Variants in MACROD2 observed in about 807,000 individuals in gnomAD.
The protein encoded by MACROD2 is mono-ADP ribosylhydrolase 2.
A neutral mutation model predicts 70.4 loss-of-function variants in MACROD2; 36 were observed. The ratio of observed to expected loss-of-function variants is 0.51; its 90% CI spans 0.39 to 0.68. MACROD2 has a LOEUF of 0.68. Among genes scored for constraint, MACROD2 ranks in the 30% least tolerant of loss-of-function variants. The pLI is 0.00. For missense variants in MACROD2, 496 were observed against 538.4 expected (o/e 0.92, Z 0.78); for synonymous variants, 172 against 178.8 (o/e 0.96, Z 0.30).
intron 5 of MACROD2, among the ~76,000 whole-genome samples, chr20:14,830,929 A>C (rs2072957846): frequency 6.6e-6 from 1 of 152,186 alleles, no homozygotes; most frequent in Non-Finnish European, 1.5e-5. Context: ...TATATTTAAA[A>C]AAATAATCTT....
intron 6 of MACROD2, among the ~76,000 whole-genome samples, chr20:15,355,372 A>C (rs2078275156): frequency 6.6e-6 from 1 of 152,302 alleles, no homozygotes; most frequent in Admixed American, 6.5e-5. Context: ...AATACAGATG[A>C]GAAACAGCCA....
At chr20:15,526,745 T>C (rs1386890043) in intron 8 of MACROD2, among the ~76,000 whole-genome samples, 3 of 152,202 alleles carry the variant, frequency 2.0e-5, no homozygotes, top group African/African-American at 4.8e-5. Flanking sequence ...CTGCCTGTGG[T>C]AGTTGACACT....
At chr20:15,837,143 A>C (rs113978128) in intron 8 of MACROD2, among the ~76,000 whole-genome samples, 1 of 152,160 alleles carries the variant, frequency 6.6e-6, no homozygotes, top group African/African-American at 2.4e-5. Context: ...AGGATAGTAG[A>C]CGAAAAAAAA....
intron 10 of MACROD2, among the ~76,000 whole-genome samples, chr20:15,908,714 G>A (rs1025139332): frequency 6.6e-6 from 1 of 152,192 alleles, no homozygotes; most frequent in Admixed American, 6.5e-5. Context: ...CCTTTGCGGT[G>A]GTGGTTTGGT....
At chr20:15,839,140 A>G (rs12481296) in intron 8 of MACROD2, among the ~76,000 whole-genome samples, 9,194 of 152,212 alleles carry the variant, frequency 0.06, 398 homozygotes, top group East Asian at 0.21. Flanking sequence ...TTTTTTATCC[A>G]TCATTTCTCA....
intron 2 of MACROD2, among the ~76,000 whole-genome samples, chr20:14,064,832 A>G (rs576171412): frequency 6.6e-6 from 1 of 152,344 alleles, no homozygotes; most frequent in Non-Finnish European, 1.5e-5. Context: ...TACGATACTA[A>G]ATGAAGAACA....
intron 3 of MACROD2, among the ~76,000 whole-genome samples, chr20:14,365,982 T>A (rs1285321339): frequency 6.6e-6 from 1 of 152,220 alleles, no homozygotes; most frequent in Admixed American, 6.5e-5. Flanking sequence ...ATGACTTCAA[T>A]TTTTTAAAAT....
chr20:16,006,122 C>T (rs1031159311), intron 15 of MACROD2, among the ~76,000 whole-genome samples: 6 of 152,210 alleles, frequency 3.9e-5, no homozygotes, highest in Non-Finnish European at 5.9e-5. Flanking sequence ...CAAAGACCCT[C>T]TCCTCCGCCC....
At chr20:14,862,025 ATATT>A (rs1364476465) in intron 5 of MACROD2, among the ~76,000 whole-genome samples, 1 of 31,148 alleles carries the variant, frequency 3.2e-5, no homozygotes, top group Non-Finnish European at 5.2e-5. Flanking sequence ...ATATTTATAT[ATATT>A]TATATATATT....
At chr20:15,422,756 A>T (rs549170144) in intron 6 of MACROD2, among the ~76,000 whole-genome samples, 35 of 152,318 alleles carry the variant, frequency 2.3e-4, no homozygotes, top group Non-Finnish European at 4.7e-4. Flanking sequence ...GAAGGATAAG[A>T]GGCTGTTTCA....
intron 3 of MACROD2, among the ~76,000 whole-genome samples, chr20:14,486,922 A>AT (rs11482748): frequency 0.021 from 3,266 of 152,288 alleles, 119 homozygotes; most frequent in African/African-American, 0.074. Flanking sequence ...TTACATAATT[A>AT]TTTTTTAATT....
At chr20:15,296,304 T>C (rs894430077) in intron 6 of MACROD2, among the ~76,000 whole-genome samples, 1 of 152,084 alleles carries the variant, frequency 6.6e-6, no homozygotes, top group Admixed American at 6.6e-5. Context: ...GAGAGGGGGA[T>C]AGAAAGAGAG....
At chr20:14,379,931 G>A (rs1352505209) in intron 3 of MACROD2, among the ~76,000 whole-genome samples, 2 of 152,054 alleles carry the variant, frequency 1.3e-5, no homozygotes. Context: ...TATTGTACAA[G>A]TATCTACTTT....
In MACROD2 at chr20:15,471,542, C is replaced by G. The variant is rs561060546; in HGVS notation, c.572-28232C>G. Among the ~76,000 whole-genome samples, 3 of 152,274 alleles carry G rather than the reference C, an allele frequency of 2.0e-5. No homozygotes were observed. The East Asian group carries it at 5.8e-4, about 29-fold the overall frequency. On this transcript the variant is annotated intron_variant, in intron 7 of 17. Transcript: ENST00000684519. Reference sequence around the variant, plus strand: ...CTTTATGTTTCATGTCTGTTTGATTCCCACACCTGTGGGTTTTCAGGTCGT... The same window carrying G: ...CTTTATGTTTCATGTCTGTTTGATTGCCACACCTGTGGGTTTTCAGGTCGT...
chr20:15,287,579 A>G (rs2077503284), intron 6 of MACROD2, among the ~76,000 whole-genome samples: 1 of 152,242 alleles, frequency 6.6e-6, no homozygotes, highest in South Asian at 2.1e-4. Context: ...TATGATGGAC[A>G]TAAATTCCCA....
chr20:15,847,752 T>C (rs1312278415), intron 8 of MACROD2, among the ~76,000 whole-genome samples: 2 of 152,218 alleles, frequency 1.3e-5, no homozygotes, highest in Non-Finnish European at 2.9e-5. Context: ...ATTGTTCTTT[T>C]TTTCCATATA....
intron 6 of MACROD2, among the ~76,000 whole-genome samples, chr20:15,241,583 T>C (rs568636171): frequency 6.6e-6 from 1 of 152,222 alleles, no homozygotes; most frequent in South Asian, 2.1e-4. Flanking sequence ...TAACCAGGCC[T>C]GTATTACTGA....
At chr20:15,805,334 C>G (rs1172109543) in intron 8 of MACROD2, among the ~76,000 whole-genome samples, 1 of 152,120 alleles carries the variant, frequency 6.6e-6, no homozygotes, top group Non-Finnish European at 1.5e-5. Flanking sequence ...CTACAGTTCA[C>G]TTTGCATCAA....
chr20:14,918,978 A>G (rs902379368), intron 5 of MACROD2, among the ~76,000 whole-genome samples: 1 of 152,174 alleles, frequency 6.6e-6, no homozygotes, highest in African/African-American at 2.4e-5. Flanking sequence ...AAGAAGAATT[A>G]AACTGAATGC....
Sources: allele counts gnomAD v4.1 joint callset (sites outside exome capture counted in the v4.1 genomes callset), GRCh38; gene constraint gnomAD v4.1.1; transcripts MANE v1.5; gene names NCBI Gene and HGNC (gene_info 2026-07-23, HGNC 2026-07-21).